MIB1: variants seen among roughly 807,000 people sequenced by gnomAD.
MIB1 encodes E3 ubiquitin-protein ligase MIB1.
A neutral mutation model predicts 124.5 loss-of-function variants in MIB1; 278 were observed. That is an observed-to-expected ratio of 2.23 (90% confidence interval 2.02 to 2.47). The LOEUF (loss-of-function observed/expected upper bound fraction) is 2.47, where lower values mean the gene tolerates loss of function less well. MIB1 is among the 30% of genes most tolerant of loss of function. The pLI, the probability that MIB1 is intolerant of heterozygous loss-of-function variation, is 0.00. For synonymous variants in MIB1, 446 were observed against 429.4 expected, an observed-to-expected ratio of 1.04 and a Z score of -0.48; for missense variants, 957 against 1,254.4, an observed-to-expected ratio of 0.76 and a Z score of 3.58.
intron 15 of MIB1, among the ~76,000 whole-genome samples, chr18:21,845,724 C>T (rs112247189): frequency 0.019 from 2,866 of 151,718 alleles, 89 homozygotes; most frequent in African/African-American, 0.066. Flanking sequence ...CCTGGGGTCA[C>T]GCGATTCTCC....
intron 1 of MIB1, among the ~76,000 whole-genome samples, chr18:21,706,803 C>G (rs371499137): frequency 1.3e-5 from 2 of 152,206 alleles, no homozygotes; most frequent in Non-Finnish European, 2.9e-5. Flanking sequence ...CCGCACCCCC[C>G]GCCCCACTGT....
chr18:21,772,539 G>C (rs1481536739), intron 3 of MIB1, among the ~76,000 whole-genome samples: 1 of 152,132 alleles, frequency 6.6e-6, no homozygotes, highest in Admixed American at 6.5e-5. Context: ...TTTTGGATTT[G>C]GGATGCTCTA....
rs58507478 is a variant in MIB1, at chr18:21,780,742, C to G, written c.908+1057C>G. 4.0e-3 allele frequency among the ~76,000 whole-genome samples: 610 copies of G among 152,182 alleles called. 7 individuals are homozygous for G. The highest frequency in any genetic ancestry group is 0.014 in the African/African-American group (584 of 41,504). On this transcript the variant is annotated intron_variant, in intron 6 of 20. Coordinates refer to ENST00000261537, the MANE Select transcript of MIB1 (RefSeq NM_020774.4). ...GGATTACAGGAATGAGCCACCATACCCGGCCCACATTTTCTTTATCCTTTC... is the reference window on the plus strand; with the variant it reads ...GGATTACAGGAATGAGCCACCATACGCGGCCCACATTTTCTTTATCCTTTC...
At chr18:21,846,887 A>C in intron 15 of MIB1, 57 bp from the exon 16 acceptor site, 1 of 1,518,858 alleles carries the variant, frequency 6.6e-7, no homozygotes, top group Non-Finnish European at 9.1e-7. Context: ...ATATATGATG[A>C]CAAGAATTGA....
In MIB1 at chr18:21,859,327, AG is replaced by A. The variant is rs1388290261; in HGVS notation, c.2880+683del. ...GAGGATCACTTGAACCTGAGGATCG[AG>A]GCTGTGGTGAGCTGTGATCACGCCA... is the stretch of plus-strand genomic sequence containing the variant. On this transcript the variant is annotated intron_variant, in intron 20 of 20. Coordinates refer to ENST00000261537, the MANE Select transcript of MIB1 (RefSeq NM_020774.4). Among the ~76,000 whole-genome samples the A allele has an allele frequency of 4.6e-5, 7 of 150,590 alleles. No homozygotes were observed. The South Asian group carries it at 1.5e-3, about 32-fold the overall frequency.
intron 1 of MIB1, among the ~76,000 whole-genome samples, chr18:21,721,765 T>C (rs1353319681): frequency 1.3e-5 from 2 of 152,178 alleles, no homozygotes; most frequent in Non-Finnish European, 2.9e-5. Context: ...TTAAATAAAT[T>C]TGAAAGTGTT....
chr18:21,798,934 G>A (rs1242521061), intron 8 of MIB1, among the ~76,000 whole-genome samples: 2 of 152,034 alleles, frequency 1.3e-5, no homozygotes, highest in African/African-American at 2.4e-5. Context: ...TTTTATTTTT[G>A]TCCTGCTTTC....
chr18:21,762,776 A>C (rs1459150853), intron 1 of MIB1, among the ~76,000 whole-genome samples: 2 of 152,192 alleles, frequency 1.3e-5, no homozygotes, highest in African/African-American at 2.4e-5. Flanking sequence ...TATAATTGCT[A>C]TTTAGAAGTT....
intron 6 of MIB1, among the ~76,000 whole-genome samples, chr18:21,780,094 C>A (rs2041341493): frequency 6.6e-6 from 1 of 152,068 alleles, no homozygotes; most frequent in South Asian, 2.1e-4. Flanking sequence ...TCTCCAGGGT[C>A]ATCTCTTATT....
intron 12 of MIB1, among the ~76,000 whole-genome samples, chr18:21,821,919 A>G (rs2041882800): frequency 6.6e-6 from 1 of 152,026 alleles, no homozygotes; most frequent in Non-Finnish European, 1.5e-5. Context: ...CTTATTTATT[A>G]TACTTACTAT....
In MIB1 at chr18:21,819,494, G is replaced by A. The variant is rs1568214615; in HGVS notation, c.1678-1G>A. On this transcript the variant is annotated splice_acceptor_variant, in intron 11 of 20. Coordinates refer to ENST00000261537, the MANE Select transcript of MIB1 (RefSeq NM_020774.4). LOFTEE classifies it high-confidence loss of function. ...TAATGAAAATTTCTTTAAACTTAAA[G>A]GATTCTGAAGGTGATACCCCTCTTC... 2 of 1,584,630 alleles carry A rather than the reference G, an allele frequency of 1.3e-6. No individual in the cohort carries two copies. The highest frequency in any genetic ancestry group is 1.1e-5 in the South Asian group (1 of 87,140).
At chr18:21,851,840 TG>T (rs746879598) in intron 17 of MIB1, among the ~76,000 whole-genome samples, 2 of 152,134 alleles carry the variant, frequency 1.3e-5, no homozygotes, top group Non-Finnish European at 2.9e-5. Context: ...AGGAAATAAT[TG>T]GAGGAAAAGG....
chr18:21,802,368 C>CT (rs1041656525), intron 9 of MIB1, among the ~76,000 whole-genome samples: 15 of 150,892 alleles, frequency 9.9e-5, no homozygotes, highest in South Asian at 4.2e-4. Context: ...ATCGAATTTT[C>CT]TTTTTTTTTC....
intron 18 of MIB1, among the ~76,000 whole-genome samples, chr18:21,855,580 T>G (rs1189835550): frequency 6.6e-6 from 1 of 152,246 alleles, no homozygotes; most frequent in Non-Finnish European, 1.5e-5. Context: ...TCCTACCTAG[T>G]GCACTTGTAT....
intron 1 of MIB1, among the ~76,000 whole-genome samples, chr18:21,722,558 A>C (rs2040720513): frequency 6.6e-6 from 1 of 151,318 alleles, no homozygotes; most frequent in African/African-American, 2.4e-5. Flanking sequence ...TTTAGTAGAG[A>C]CAGGGTTTCA....
At position 21,844,089 on chromosome 18, in the gene MIB1, T is replaced by C; in HGVS notation, c.2050-3T>C. 6.2e-7 allele frequency: 1 copy of C among 1,613,308 alleles called. No homozygotes were observed. Among genetic ancestry groups the C allele is most frequent in the Non-Finnish European group, 8.5e-7 (1 of 1,179,768 alleles). ...GCCAAAATGAGACATCTTTCTCTTT[T>C]AGCTTTTGGTCCGTGCAGGTGCCAA... On this transcript the variant is annotated splice_polypyrimidine_tract_variant and splice_region_variant and intron_variant, in intron 14 of 20. Coordinates refer to ENST00000261537, the MANE Select transcript of MIB1 (RefSeq NM_020774.4).
intron 1 of MIB1, among the ~76,000 whole-genome samples, chr18:21,747,510 G>A (rs2040924662): frequency 6.6e-6 from 1 of 152,228 alleles, no homozygotes; most frequent in South Asian, 2.1e-4. Context: ...GTCTACTTGA[G>A]ATGCCCTGCG....
upstream of MIB1, among the ~76,000 whole-genome samples, chr18:21,739,021 A>C (rs2040812497): frequency 6.6e-6 from 1 of 151,942 alleles, no homozygotes; most frequent in South Asian, 2.1e-4. Context: ...AAAAAGATCA[A>C]CTACATAGAT....
chr18:21,727,721 T>G (rs1267110998), intron 1 of MIB1, among the ~76,000 whole-genome samples: 2 of 152,154 alleles, frequency 1.3e-5, no homozygotes, highest in African/African-American at 4.8e-5. Flanking sequence ...TGAGCTGCAC[T>G]GCAGCCTGGG....
Sources: allele counts gnomAD v4.1 joint callset (sites outside exome capture counted in the v4.1 genomes callset), GRCh38; gene constraint gnomAD v4.1.1; transcripts MANE v1.5; gene names NCBI Gene and HGNC (gene_info 2026-07-23, HGNC 2026-07-21).